The following ILF2 variants were observed in gnomAD, a reference collection of about 807,000 sequenced individuals.
ILF2 encodes interleukin enhancer binding factor 2.
ILF2 carries 9 observed loss-of-function variants against 55.3 expected under a neutral mutation model. The ratio of observed to expected loss-of-function variants is 0.16; its 90% CI spans 0.10 to 0.28. ILF2 has a LOEUF of 0.28. Ranked by LOEUF, ILF2 falls within the 10% of genes least tolerant of loss-of-function variation. ILF2 has a pLI of 1.00. For synonymous variants in ILF2, 151 were observed against 161.8 expected (o/e 0.93, Z 0.50); for missense variants, 266 against 474.9 (o/e 0.56, Z 4.09).
intron 7 of ILF2, 103 bp from the exon 8 acceptor site, chr1:153,665,439 A>G: frequency 1.2e-6 from 1 of 828,178 alleles, no homozygotes; most frequent in Admixed American, 2.0e-5. Context: ...AAAACAGCAC[A>G]AAGTCCAGAA....
chr1:153,668,183 G>T, intron 4 of ILF2, 106 bp from the exon 5 acceptor site: 1 of 867,966 alleles, frequency 1.2e-6, no homozygotes, highest in Non-Finnish European at 1.8e-6. Context: ...ACTCAATACT[G>T]ACATAGGGCT....
In ILF2 at chr1:153,668,452, C is replaced by T; in HGVS notation, c.213+1G>A. On this transcript the variant is annotated splice_donor_variant, in intron 4 of 13. Coordinates refer to ENST00000361891, the MANE Select transcript of ILF2 (RefSeq NM_004515.4). LOFTEE classifies it high-confidence loss of function. Reference sequence around the variant, plus strand: ...TCTGGAAGACAGCCAAAAGAACATACCTGTTCAGCAGAATTGGGAGCCAGG... The same window carrying T: ...TCTGGAAGACAGCCAAAAGAACATATCTGTTCAGCAGAATTGGGAGCCAGG... 4 of 1,614,118 alleles carry T rather than the reference C, an allele frequency of 2.5e-6. No homozygotes were observed. The highest frequency in any genetic ancestry group is 3.4e-6 in the Non-Finnish European group (4 of 1,180,016).
At chr1:153,670,807 G>T in intron 1 of ILF2, 111 bp downstream of exon 1, 2 of 1,280,790 alleles carry the variant, frequency 1.6e-6, no homozygotes, top group Non-Finnish European at 2.3e-6. Flanking sequence ...TCAGGTTTTT[G>T]GCCAGCCCCC....
rs953740333 is a variant in ILF2, at chr1:153,670,897, C to A, written c.5+21G>T. ...TTTCCGTCGAATACCTGAAACCTTT[C>A]GACCGCTTCGACCCACTTACCTCAT... On this transcript the variant is annotated intron_variant, in intron 1 of 13. Transcript: ENST00000361891. 1.9e-6 allele frequency: 3 copies of A among 1,614,002 alleles called. No homozygotes were observed. The African/African-American group carries it at 4.0e-5, about 22-fold the overall frequency.
At position 153,663,146 on chromosome 1, in the gene ILF2, G is replaced by T. The variant is rs558435782; in HGVS notation, c.807-13C>A. On this transcript the variant is annotated splice_polypyrimidine_tract_variant and intron_variant, in intron 11 of 13. Coordinates refer to ENST00000361891, the MANE Select transcript of ILF2 (RefSeq NM_004515.4). ...CTGCAAGCAGCGCCTAGAACACAGG[G>T]AGGTATGAGGTATTAAAGGAATGCA... 1 of 1,613,806 alleles carries T rather than the reference G, an allele frequency of 6.2e-7. No homozygotes were observed. Among genetic ancestry groups the T allele is most frequent in the South Asian group, 1.1e-5 (1 of 91,058 alleles).
chr1:153,670,993 G>C lies in ILF2; in HGVS notation c.-71C>G. 6.3e-7 allele frequency: 1 copy of C among 1,596,920 alleles called. No homozygotes were observed. The highest frequency in any genetic ancestry group is 1.1e-5 in the South Asian group (1 of 90,764). On this transcript the variant is annotated 5_prime_UTR_variant, in exon 1 of 14. Coordinates refer to ENST00000361891, the MANE Select transcript of ILF2 (RefSeq NM_004515.4). ...CCTCTGAGTAGCAGACAACTGAAGAGGCGTCTTGCCGGCGTGTCCCAATAA... is the reference window on the plus strand; with the variant it reads ...CCTCTGAGTAGCAGACAACTGAAGACGCGTCTTGCCGGCGTGTCCCAATAA...
In ILF2 at chr1:153,662,465, C is replaced by G; in HGVS notation, c.1104G>C (p.Glu368Asp). Residue 368 changes from glutamate to aspartate, a missense_variant, in exon 14 of 14, where the codon GAG becomes GAC. Physicochemically the swap from Glu to Asp is conservative, Grantham distance 45. Coordinates refer to ENST00000361891, the MANE Select transcript of ILF2 (RefSeq NM_004515.4). The stretch of plus-strand genomic sequence containing the variant: ...GTTCTTCTGTATTCTCCTCTTCTTC[C>G]TCTCCTTCCTTCTTCTCTGGTGGCT... ...YEKPPEKKEG[E>D]EEEENTEEPP... 3 of 1,613,216 alleles carry G rather than the reference C, an allele frequency of 1.9e-6. No homozygotes were observed. The highest frequency in any genetic ancestry group is 2.2e-5 in the East Asian group (1 of 44,878).
intron 8 of ILF2, 74 bp downstream of exon 8, chr1:153,665,146 G>A: frequency 1.1e-6 from 1 of 895,982 alleles, no homozygotes; most frequent in Non-Finnish European, 1.9e-6. Flanking sequence ...AACAAGCTAA[G>A]TAAACTAAAC....
chr1:153,663,132 G>A lies in ILF2; in HGVS notation c.808C>T (p.Arg270Cys), dbSNP rs1669214602. ...CCTGCAGCCAGAATCTGCAAGCAGCGCCTAGAACACAGGGAGGTATGAGGT... is the reference window on the plus strand; with the variant it reads ...CCTGCAGCCAGAATCTGCAAGCAGCACCTAGAACACAGGGAGGTATGAGGT... ...QPLALNVAYR[R>C]CLQILAAGLF... is the part of the protein sequence containing the mutation. Residue 270 changes from arginine (R) to cysteine (C), a missense_variant and splice_region_variant, in exon 12 of 14, where the codon CGC (arginine) becomes TGC (cysteine). By Grantham distance (180) the Arg-to-Cys change is radical. Transcript: ENST00000361891. The A allele has an allele frequency of 6.2e-7, 1 of 1,613,936 alleles. No individual in the cohort carries two copies. Among genetic ancestry groups the A allele is most frequent in the African/African-American group, 1.3e-5 (1 of 74,904 alleles).
chr1:153,663,285 TAATA>T lies in ILF2; in HGVS notation c.745-13_745-10del. The T allele has an allele frequency of 6.2e-7, 1 of 1,613,782 alleles. No individual in the cohort carries two copies. The highest frequency in any genetic ancestry group is 8.5e-7 in the Non-Finnish European group (1 of 1,179,750). On this transcript the variant is annotated splice_polypyrimidine_tract_variant and intron_variant, in intron 10 of 13. Transcript: ENST00000361891. ...ATCACAGCATAATGGCCCTGAAAAA[TAATA>T]AATCCAGTAGGTGTGCCATCAAAAT...
chr1:153,664,127 A>C lies in ILF2; in HGVS notation c.660T>G (p.Val220=), dbSNP rs746132510. 2.4e-5 allele frequency: 38 copies of C among 1,606,154 alleles called. No individual in the cohort carries two copies. Among genetic ancestry groups the C allele is most frequent in the Non-Finnish European group, 3.2e-5 (37 of 1,173,546 alleles). ...CCTTCAGTAGTCTGATGAGAACTTT[A>C]ACTCTGAAAGTAATAGTGACCCAAA... is the stretch of plus-strand genomic sequence containing the variant. The part of the protein sequence containing the change: ...WFEENASQST[V]KVLIRLLKDL... Residue 220 remains valine, a synonymous_variant, in exon 10 of 14, where the codon GTT becomes GTG. Transcript: ENST00000361891.
chr1:153,665,281 T>G lies in ILF2; in HGVS notation c.516A>C (p.Thr172=), dbSNP rs1340901964. ...TGFEISSSDA[T]VKILITTVPP... is the part of the protein sequence containing the mutation. ...GCACTGTTGTAATGAGAATCTTCAC[T>G]GTAGCATCAGAAGAACTGATTTCAA... Residue 172 remains threonine, a synonymous_variant, in exon 8 of 14, where the codon ACA becomes ACC. Transcript: ENST00000361891. 1 of 1,613,834 alleles carries G rather than the reference T, an allele frequency of 6.2e-7. No individual in the cohort carries two copies. The highest frequency in any genetic ancestry group is 8.5e-7 in the Non-Finnish European group (1 of 1,179,810).
intron 6 of ILF2, 114 bp from the exon 7 acceptor site, chr1:153,665,842 GGTAA>G: frequency 1.3e-6 from 1 of 771,752 alleles, no homozygotes; most frequent in Non-Finnish European, 2.2e-6. Flanking sequence ...CTGAAGCAAG[GGTAA>G]GTAATAGAAT....
In ILF2 at chr1:153,662,135, G is replaced by A; in HGVS notation, c.*261C>T. 1.1e-5 allele frequency: 4 copies of A among 377,454 alleles called. No individual in the cohort carries two copies. Among genetic ancestry groups the A allele is most frequent in the Non-Finnish European group, 1.4e-5 (3 of 209,598 alleles). The allele number at this position is 377,454 out of a possible 1,614,324, so 23.4% of individuals were successfully genotyped here. A position where few individuals can be genotyped will look rare whatever the true frequency, so the allele number is the denominator to read the frequency against. ...ACAGCAAAGTATTAGTTGAGAGAGG[G>A]GTTTTCAGGAGTTGGAGATTATAGA... On this transcript the variant is annotated 3_prime_UTR_variant, in exon 14 of 14. Transcript: ENST00000361891.
chr1:153,664,922 C>A lies in ILF2; in HGVS notation c.577+298G>T, dbSNP rs1243991812. 2.0e-5 allele frequency among the ~76,000 whole-genome samples: 3 copies of A among 152,200 alleles called. No homozygotes were observed. The East Asian group carries it at 5.8e-4, about 29-fold the overall frequency. ...CAGCAAATCACTTGTCTAAAAATCA[C>A]TAGAAACATGCAAGATCTGTTTTCT... On this transcript the variant is annotated intron_variant, in intron 8 of 13. Transcript: ENST00000361891.
intron 12 of ILF2, 94 bp from the exon 13 acceptor site, chr1:153,662,889 A>T: frequency 7.4e-7 from 1 of 1,346,882 alleles, no homozygotes; most frequent in South Asian, 1.2e-5. Context: ...CAGCTTTTTA[A>T]ATCTCAGGAC....
intron 6 of ILF2, 185 bp downstream of exon 6, chr1:153,667,370 C>T (rs895715883): frequency 4.8e-6 from 3 of 627,536 alleles, no homozygotes; most frequent in Admixed American, 5.3e-5. Flanking sequence ...CCCAGCTACT[C>T]GGGAGGCTAA....
chr1:153,667,865 A>C, intron 5 of ILF2, 135 bp downstream of exon 5: 1 of 707,716 alleles, frequency 1.4e-6, no homozygotes, highest in Non-Finnish European at 2.4e-6. Flanking sequence ...AGTACTACAA[A>C]GAAATTCCAC....
Position 153,670,220 on chromosome 1 carries a change from C to T in ILF2, c.16G>A (p.Gly6Ser), listed in dbSNP as rs1332312913. 1 of 1,614,102 alleles carries T rather than the reference C, an allele frequency of 6.2e-7. No homozygotes were observed. Among genetic ancestry groups the T allele is most frequent in the Non-Finnish European group, 8.5e-7 (1 of 1,180,010 alleles). The change falls in exon 2 of 14, where the codon GGC (glycine) becomes AGC (serine). Residue 6 changes from glycine to serine, a missense_variant. Coordinates refer to ENST00000361891, the MANE Select transcript of ILF2 (RefSeq NM_004515.4). Reference sequence around the variant, plus strand: ...CCAAAGCGCCCACCACGACCACGGCCTCTGTCACCCCTAGAAATGCAGATT... The same window carrying T: ...CCAAAGCGCCCACCACGACCACGGCTTCTGTCACCCCTAGAAATGCAGATT... MRGDR[G>S]RGRGGRFGSR...
Sources: gnomAD v4.1 joint callset for allele counts (sites outside exome capture counted in the v4.1 genomes callset) on GRCh38, gnomAD v4.1.1 for gene constraint, MANE v1.5 for transcripts, NCBI Gene and HGNC (gene_info 2026-07-23, HGNC 2026-07-21) for gene names.